SRFBP1: variants seen among roughly 807,000 people sequenced by gnomAD.
SRFBP1 encodes serum response factor binding protein 1, also known as serum response factor-binding protein 1.
In SRFBP1, 47 loss-of-function variants were observed where a neutral mutation model predicts 45.5. That is an observed-to-expected ratio of 1.03 (90% confidence interval 0.82 to 1.32). The LOEUF (loss-of-function observed/expected upper bound fraction) is 1.32, where lower values mean the gene tolerates loss of function less well. SRFBP1 is among the 40% of genes most tolerant of loss of function. The probability of loss-of-function intolerance (pLI) is 0.00; values close to 1 mark genes in which losing one functional copy is unlikely to be tolerated. For missense variants in SRFBP1, 621 were observed against 484.6 expected (o/e 1.28, Z -2.64); for synonymous variants, 203 against 166.3 (o/e 1.22, Z -1.70).
At chr5:122,045,289 G>T (rs1001551160) in intron 2 of SRFBP1, among the ~76,000 whole-genome samples, 1 of 152,186 alleles carries the variant, frequency 6.6e-6, no homozygotes. Context: ...CAGGTAGTGT[G>T]ATGCCTCCGT....
At chr5:121,973,152 T>C (rs1484038000) in intron 1 of SRFBP1, among the ~76,000 whole-genome samples, 2 of 151,538 alleles carry the variant, frequency 1.3e-5, no homozygotes, top group Non-Finnish European at 2.9e-5. Flanking sequence ...GAAAACACTA[T>C]ATAAATATTA....
At chr5:122,011,050 T>A (rs781471661) in intron 4 of SRFBP1, among the ~76,000 whole-genome samples, 1 of 152,154 alleles carries the variant, frequency 6.6e-6, no homozygotes, top group Non-Finnish European at 1.5e-5. Flanking sequence ...AGTACAAATA[T>A]GAATATGTGG....
At chr5:122,054,553 T>G (rs2152579021) in intron 2 of SRFBP1, among the ~76,000 whole-genome samples, 1 of 152,294 alleles carries the variant, frequency 6.6e-6, no homozygotes, top group East Asian at 1.9e-4. Context: ...ACACTGTAAC[T>G]GTGTTTCAAT....
chr5:122,021,547 G>T (rs574937884), intron 6 of SRFBP1, among the ~76,000 whole-genome samples: 7 of 152,040 alleles, frequency 4.6e-5, no homozygotes, highest in Non-Finnish European at 8.8e-5. Context: ...ACATAAAAAC[G>T]TGTGGAGTGT....
At chr5:122,035,081 A>G (rs1353899560) in intron 2 of SRFBP1, among the ~76,000 whole-genome samples, 1 of 151,284 alleles carries the variant, frequency 6.6e-6, no homozygotes, top group Non-Finnish European at 1.5e-5. Flanking sequence ...TTACCCTTTC[A>G]CAAGTCACAG....
chr5:121,963,985 T>C (rs1350687011), intron 1 of SRFBP1, among the ~76,000 whole-genome samples: 1 of 152,066 alleles, frequency 6.6e-6, no homozygotes, highest in African/African-American at 2.4e-5. Flanking sequence ...CTAATGCCCT[T>C]AATAGGAAAT....
chr5:121,979,752 G>A (rs935216435), intron 3 of SRFBP1, among the ~76,000 whole-genome samples: 6 of 152,094 alleles, frequency 3.9e-5, no homozygotes, highest in African/African-American at 9.7e-5. Context: ...CACATCAGAC[G>A]TGTACTTTCC....
chr5:121,962,021 C>A lies in SRFBP1; in HGVS notation c.-12C>A. 6.2e-7 allele frequency: 1 copy of A among 1,613,936 alleles called. No homozygotes were observed. The highest frequency in any genetic ancestry group is 2.2e-5 in the East Asian group (1 of 44,844). Reference sequence around the variant, plus strand: ...CGTGCAGGCAGCGGCGGATCATATTCCTTCATCTACCATGGCTCAGCCGGG... The same window carrying A: ...CGTGCAGGCAGCGGCGGATCATATTACTTCATCTACCATGGCTCAGCCGGG... On this transcript the variant is annotated 5_prime_UTR_variant, in exon 1 of 8. Transcript: ENST00000339397.
intron 5 of SRFBP1, among the ~76,000 whole-genome samples, chr5:122,019,607 T>C (rs1056361639): frequency 1.3e-5 from 2 of 150,972 alleles, no homozygotes; most frequent in African/African-American, 4.8e-5. Context: ...TAAAGTTGAA[T>C]AGTTTTTTTA....
chr5:121,985,623 C>G (rs2112829420), intron 3 of SRFBP1, among the ~76,000 whole-genome samples: 1 of 151,936 alleles, frequency 6.6e-6, no homozygotes, highest in South Asian at 2.1e-4. Context: ...ATATCTAATA[C>G]TGCGATAACT....
In SRFBP1 at chr5:122,011,674, G is replaced by C. The variant is rs377542640; in HGVS notation, c.271-7586G>C. 2.6e-5 allele frequency among the ~76,000 whole-genome samples: 4 copies of C among 152,254 alleles called. No individual in the cohort carries two copies. The East Asian group carries it at 7.7e-4, about 29-fold the overall frequency. ...AGCAACATTGTGAGCTTCAAAAGTT[G>C]ATCTGTGTGTCCTCATGTGTAAGAC... On this transcript the variant is annotated intron_variant, in intron 4 of 7. Coordinates refer to ENST00000339397, the MANE Select transcript of SRFBP1 (RefSeq NM_152546.3).
At chr5:121,977,580 CAAAT>C (rs1377154743) in intron 3 of SRFBP1, among the ~76,000 whole-genome samples, 2 of 151,940 alleles carry the variant, frequency 1.3e-5, no homozygotes, top group African/African-American at 2.4e-5. Context: ...TTGGGAGTAT[CAAAT>C]AAATGATGAC....
chr5:121,974,348 C>G (rs1040782217), intron 2 of SRFBP1, 64 bp downstream of exon 2: 2 of 1,197,402 alleles, frequency 1.7e-6, no homozygotes, highest in African/African-American at 3.0e-5. Context: ...TTATTTGATA[C>G]TTTAAAATGT....
intron 1 of SRFBP1, among the ~76,000 whole-genome samples, chr5:121,964,169 TACATTGACTCTTCTCAA>T (rs1435853670): frequency 6.6e-6 from 1 of 152,122 alleles, no homozygotes; most frequent in Non-Finnish European, 1.5e-5. Context: ...CCCAACTACT[TACATTGACTCTTCTCAA>T]ACTTTAATCT....
At chr5:122,033,744 C>T (rs1292410504) in intron 2 of SRFBP1, among the ~76,000 whole-genome samples, 1 of 151,718 alleles carries the variant, frequency 6.6e-6, no homozygotes, top group Non-Finnish European at 1.5e-5. Context: ...CATGTGTGAG[C>T]CCCCACGCCC....
intron 2 of SRFBP1, among the ~76,000 whole-genome samples, chr5:122,058,737 T>A (rs1284370067): frequency 6.6e-6 from 1 of 152,164 alleles, no homozygotes; most frequent in East Asian, 1.9e-4. Context: ...ATTTGGCCTC[T>A]CATGTTGTTG....
intron 2 of SRFBP1, among the ~76,000 whole-genome samples, chr5:122,072,232 G>T (rs1754471954): frequency 6.6e-6 from 1 of 152,090 alleles, no homozygotes; most frequent in Non-Finnish European, 1.5e-5. Flanking sequence ...GCTGAAATTG[G>T]CACTCGAGTT....
intron 3 of SRFBP1, among the ~76,000 whole-genome samples, chr5:121,984,542 C>T (rs1018238218): frequency 6.6e-6 from 1 of 151,742 alleles, no homozygotes; most frequent in Non-Finnish European, 1.5e-5. Flanking sequence ...ATGGGCACAT[C>T]TATGAATAGA....
chr5:122,038,307 A>C (rs1414845123), intron 2 of SRFBP1, among the ~76,000 whole-genome samples: 1 of 152,240 alleles, frequency 6.6e-6, no homozygotes, highest in African/African-American at 2.4e-5. Flanking sequence ...GGTCTGGCAC[A>C]GAGTCGGGAG....
Sources: gnomAD v4.1 joint callset for allele counts (sites outside exome capture counted in the v4.1 genomes callset) on GRCh38, gnomAD v4.1.1 for gene constraint, MANE v1.5 for transcripts, NCBI Gene and HGNC (gene_info 2026-07-23, HGNC 2026-07-21) for gene names.